Variants in MMP16 observed in about 807,000 individuals in gnomAD.
MMP16 encodes matrix metalloproteinase-16.
In MMP16, 12 loss-of-function variants were observed where a neutral mutation model predicts 67.8. The observed-to-expected ratio is 0.18, with a 90% CI of 0.11 to 0.29. The LOEUF is 0.29. MMP16 is among the 10% of genes least tolerant of loss of function. The probability of loss-of-function intolerance (pLI) is 1.00; values close to 1 mark genes in which losing one functional copy is unlikely to be tolerated. For missense variants in MMP16, 475 were observed against 765.7 expected, an observed-to-expected ratio of 0.62 and a Z score of 4.48; for synonymous variants, 249 against 255.9, an observed-to-expected ratio of 0.97 and a Z score of 0.26.
chr8:88,149,877 G>C (rs1300852314), intron 4 of MMP16, among the ~76,000 whole-genome samples: 2 of 148,832 alleles, frequency 1.3e-5, no homozygotes, highest in Non-Finnish European at 3.0e-5. Context: ...ACTTTGATGA[G>C]CTGAGAGAAG....
At chr8:88,322,738 AG>A (rs1273165523) in intron 1 of MMP16, among the ~76,000 whole-genome samples, 2 of 152,018 alleles carry the variant, frequency 1.3e-5, no homozygotes, top group Admixed American at 6.6e-5. Context: ...CCAGCTACTC[AG>A]GAGGCTAAGG....
intron 1 of MMP16, 71 bp from the exon 2 acceptor site, chr8:88,197,377 A>G (rs943915675): frequency 2.3e-6 from 3 of 1,312,582 alleles, no homozygotes; most frequent in African/African-American, 1.5e-5. Flanking sequence ...TAATTAATGT[A>G]TATCTATAAT....
chr8:88,283,824 T>C (rs113892012), intron 1 of MMP16, among the ~76,000 whole-genome samples: 1 of 152,224 alleles, frequency 6.6e-6, no homozygotes, highest in African/African-American at 2.4e-5. Flanking sequence ...TATTTTCTTC[T>C]GCTAAGAGAG....
At chr8:88,104,066 T>A (rs1035639253) in intron 6 of MMP16, among the ~76,000 whole-genome samples, 1 of 151,788 alleles carries the variant, frequency 6.6e-6, no homozygotes, top group Non-Finnish European at 1.5e-5. Flanking sequence ...TAAAAATTAG[T>A]ATGGCTTCAC....
intron 6 of MMP16, among the ~76,000 whole-genome samples, chr8:88,107,177 T>C (rs1167729002): frequency 6.6e-6 from 1 of 151,206 alleles, no homozygotes; most frequent in African/African-American, 2.4e-5. Context: ...TGCATAACAG[T>C]AAGTTTTAAA....
intron 4 of MMP16, among the ~76,000 whole-genome samples, chr8:88,148,465 G>A (rs1808332728): frequency 2.0e-5 from 3 of 152,116 alleles, no homozygotes; most frequent in Admixed American, 6.6e-5. Flanking sequence ...TTCCTCTAGA[G>A]GATACATATT....
chr8:88,278,172 T>C lies in MMP16; in HGVS notation c.132+48903A>G, dbSNP rs114713900. On this transcript the variant is annotated intron_variant, in intron 1 of 9. Transcript: ENST00000286614. ...CTTTATAAACCATCACTACTGAAGC[T>C]GAAATCCTGAAACCTGTATTTTTGG... Among the ~76,000 whole-genome samples the C allele has an allele frequency of 5.9e-3, 892 of 152,324 alleles. 8 individuals are homozygous for C. Among genetic ancestry groups the C allele is most frequent in the African/African-American group, 0.02 (836 of 41,566 alleles).
intron 4 of MMP16, among the ~76,000 whole-genome samples, chr8:88,166,116 C>A (rs1003939260): frequency 6.6e-6 from 1 of 151,934 alleles, no homozygotes; most frequent in African/African-American, 2.4e-5. Flanking sequence ...CACGAGAGAA[C>A]CCTGGGTATC....
rs138948460 is a variant in MMP16, at chr8:88,073,910, C to T, written c.1222+695G>A. Among the ~76,000 whole-genome samples the T allele has an allele frequency of 5.1e-4, 78 of 152,260 alleles. 2 individuals are homozygous for T. The highest frequency in any genetic ancestry group is 1.8e-3 in the African/African-American group (76 of 41,562). On this transcript the variant is annotated intron_variant, in intron 7 of 9. Transcript: ENST00000286614. Reference sequence around the variant, plus strand: ...GCTCAAATACATTCTCTTCACAATTCCCTCAGTCCTCCAACTCAATCTGCC... The same window carrying T: ...GCTCAAATACATTCTCTTCACAATTTCCTCAGTCCTCCAACTCAATCTGCC...
intron 1 of MMP16, among the ~76,000 whole-genome samples, chr8:88,268,127 G>A (rs2129965791): frequency 6.6e-6 from 1 of 152,318 alleles, no homozygotes; most frequent in South Asian, 2.1e-4. Flanking sequence ...TGGATTGCCT[G>A]AGGTCAGGAG....
At chr8:88,278,026 G>A (rs1479017861) in intron 1 of MMP16, among the ~76,000 whole-genome samples, 1 of 152,136 alleles carries the variant, frequency 6.6e-6, no homozygotes, top group African/African-American at 2.4e-5. Context: ...AGTTACATGT[G>A]TCTGAAACTC....
At chr8:88,169,500 C>G (rs1287434447) in intron 3 of MMP16, among the ~76,000 whole-genome samples, 1 of 152,136 alleles carries the variant, frequency 6.6e-6, no homozygotes, top group African/African-American at 2.4e-5. Flanking sequence ...TCAATCCAAA[C>G]ATTTGGGCTA....
At chr8:88,300,666 T>C (rs536511382) in intron 1 of MMP16, among the ~76,000 whole-genome samples, 1 of 152,214 alleles carries the variant, frequency 6.6e-6, no homozygotes, top group Non-Finnish European at 1.5e-5. Flanking sequence ...GAAAAAAATA[T>C]ATATGTAGGG....
intron 1 of MMP16, among the ~76,000 whole-genome samples, chr8:88,281,642 C>T (rs535989065): frequency 1.3e-4 from 20 of 152,252 alleles, no homozygotes; most frequent in South Asian, 2.1e-4. Context: ...ATTTACCAGG[C>T]CCCCAAAGCT....
chr8:88,041,817 C>T lies in MMP16; in HGVS notation c.1490-22G>A, dbSNP rs1808136468. On this transcript the variant is annotated intron_variant, in intron 9 of 9. Coordinates refer to ENST00000286614, the MANE Select transcript of MMP16 (RefSeq NM_005941.5). This position sits in a 1 kb window ranked among gnomAD's most constrained non-coding sequence, Gnocchi z 6.0. ...AAGCCTAGGGGGAAAAACATACACA[C>T]ACACAGGTACCACTTATTTGTGACA... The T allele has an allele frequency of 3.3e-6, 5 of 1,528,522 alleles. No individual in the cohort carries two copies. The East Asian group carries it at 1.1e-4, about 35-fold the overall frequency. 94.7% of individuals were successfully genotyped at this position (1,528,522 alleles called of 1,614,324 possible).
At chr8:88,218,961 G>A (rs1278903148) in intron 1 of MMP16, among the ~76,000 whole-genome samples, 1 of 151,992 alleles carries the variant, frequency 6.6e-6, no homozygotes, top group African/African-American at 2.4e-5. Context: ...AAGTATTAAT[G>A]GAGCGTCAAC....
chr8:88,033,383 CA>C lies in MMP16; in HGVS notation c.*8077del, dbSNP rs1808010662. 6.6e-6 allele frequency: 1 copy of C among 150,718 alleles called. No homozygotes were observed. The highest frequency in any genetic ancestry group is 2.4e-5 in the African/African-American group (1 of 41,122). The allele number at this position is 150,718 out of a possible 1,614,324, so 9.3% of individuals were successfully genotyped here. ...TATGGATGTCATAAATCTGCATTAT[CA>C]TACTGATCCACCGCTGGAATCAAGA... On this transcript the variant is annotated 3_prime_UTR_variant, in exon 10 of 10. Coordinates refer to ENST00000286614, the MANE Select transcript of MMP16 (RefSeq NM_005941.5).
intron 1 of MMP16, among the ~76,000 whole-genome samples, chr8:88,306,408 A>T (rs1457939328): frequency 1.3e-5 from 2 of 152,152 alleles, no homozygotes; most frequent in Non-Finnish European, 2.9e-5. Flanking sequence ...ATTGAAAAGG[A>T]GGGACACTTT....
intron 4 of MMP16, among the ~76,000 whole-genome samples, chr8:88,158,035 T>A (rs1403060303): frequency 6.6e-6 from 1 of 152,114 alleles, no homozygotes; most frequent in Non-Finnish European, 1.5e-5. Context: ...TATTCCATGG[T>A]GTATAGGTGC....
Sources: gnomAD v4.1 joint callset for allele counts (sites outside exome capture counted in the v4.1 genomes callset) on GRCh38, gnomAD v4.1.1 for gene constraint, Gnocchi (gnomAD v3.1) non-coding constraint, MANE v1.5 for transcripts, NCBI Gene and HGNC (gene_info 2026-07-23, HGNC 2026-07-21) for gene names.